The following APLF variants were observed in gnomAD, a reference collection of about 807,000 sequenced individuals.
APLF encodes aprataxin and PNKP like factor.
In APLF, 61 loss-of-function variants were observed where a neutral mutation model predicts 55.6. The observed-to-expected ratio is 1.10, with a 90% CI of 0.89 to 1.36. The LOEUF (loss-of-function observed/expected upper bound fraction) is 1.36. APLF is among the 40% of genes most tolerant of loss of function. The pLI is 0.00. For synonymous variants in APLF, 207 were observed against 214.8 expected, an observed-to-expected ratio of 0.96 and a Z score of 0.32; for missense variants, 611 against 602.5, an observed-to-expected ratio of 1.01 and a Z score of -0.15.
chr2:68,497,769 T>C (rs1223489129), intron 2 of APLF, among the ~76,000 whole-genome samples: 1 of 152,090 alleles, frequency 6.6e-6, no homozygotes, highest in African/African-American at 2.4e-5. Context: ...ACTTCCAGCA[T>C]TGTGGATTGC....
intron 3 of APLF, among the ~76,000 whole-genome samples, chr2:68,505,674 T>C (rs1175330552): frequency 6.6e-6 from 1 of 151,988 alleles, no homozygotes; most frequent in Non-Finnish European, 1.5e-5. Context: ...GATGAGAAGA[T>C]ACATAGGGTG....
rs1457975307 is a variant in APLF, at chr2:68,578,698, A to T, written c.*676A>T. ...TTTGAATTTAAAAGTAAAAAAACTC[A>T]AAAAACTTGACCTTTTTTTTCAAAC... On this transcript the variant is annotated 3_prime_UTR_variant, in exon 10 of 10. Coordinates refer to ENST00000303795, the MANE Select transcript of APLF (RefSeq NM_173545.3). The T allele has an allele frequency of 3.0e-6, 3 of 985,248 alleles. No homozygotes were observed. The highest frequency in any genetic ancestry group is 3.6e-6 in the Non-Finnish European group (3 of 829,880). The allele number at this position is 985,248 out of a possible 1,614,324, so 61.0% of individuals were successfully genotyped here.
intron 9 of APLF, among the ~76,000 whole-genome samples, chr2:68,570,287 A>AAT (rs60637376): frequency 4.1e-5 from 6 of 146,664 alleles, no homozygotes; most frequent in African/African-American, 7.8e-5. Flanking sequence ...TTTTTTTTTT[A>AAT]ATATATATAT....
At chr2:68,516,214 CT>C (rs1400740224) in intron 5 of APLF, among the ~76,000 whole-genome samples, 8 of 151,642 alleles carry the variant, frequency 5.3e-5, no homozygotes, top group Non-Finnish European at 8.9e-5. Context: ...CTCTGACTAA[CT>C]TTAAAGCCCA....
At chr2:68,489,185 T>C (rs1038862162) in intron 1 of APLF, among the ~76,000 whole-genome samples, 2 of 152,230 alleles carry the variant, frequency 1.3e-5, no homozygotes, top group South Asian at 4.1e-4. Flanking sequence ...AACAGCTATC[T>C]GGTTAAAAAA....
intron 2 of APLF, among the ~76,000 whole-genome samples, chr2:68,502,168 A>G (rs886218286): frequency 1.3e-5 from 2 of 152,178 alleles, no homozygotes; most frequent in Non-Finnish European, 2.9e-5. Flanking sequence ...CTTATGACCT[A>G]CATGTTAAAG....
chr2:68,563,157 C>G, intron 8 of APLF: 1 of 985,218 alleles, frequency 1.0e-6, no homozygotes, highest in Non-Finnish European at 1.2e-6. Flanking sequence ...GTCTGCATTA[C>G]AGTATTTTAC....
At chr2:68,548,508 C>T (rs144149116) in intron 8 of APLF, among the ~76,000 whole-genome samples, 1 of 151,902 alleles carries the variant, frequency 6.6e-6, no homozygotes, top group African/African-American at 2.4e-5. Context: ...ACATTAGACA[C>T]ACATGCACAC....
intron 1 of APLF, among the ~76,000 whole-genome samples, chr2:68,487,086 T>C (rs745959158): frequency 8.5e-5 from 13 of 152,132 alleles, no homozygotes; most frequent in South Asian, 4.1e-4. Flanking sequence ...ACTTTATGAA[T>C]AGAGAATTAA....
At chr2:68,522,357 A>G (rs1262528982) in intron 5 of APLF, among the ~76,000 whole-genome samples, 1 of 151,898 alleles carries the variant, frequency 6.6e-6, no homozygotes, top group African/African-American at 2.4e-5. Context: ...CTAATGTAAT[A>G]TACTATGCTT....
At chr2:68,542,375 A>G (rs892496994) in intron 7 of APLF, among the ~76,000 whole-genome samples, 1 of 152,198 alleles carries the variant, frequency 6.6e-6, no homozygotes, top group African/African-American at 2.4e-5. Flanking sequence ...CAACCTATGG[A>G]ATGGGATAAA....
At chr2:68,474,827 A>G (rs982609381) in intron 1 of APLF, among the ~76,000 whole-genome samples, 5 of 152,022 alleles carry the variant, frequency 3.3e-5, no homozygotes, top group African/African-American at 1.2e-4. Context: ...TGCCACCACA[A>G]CCGGCTGATT....
At chr2:68,493,837 G>A (rs1040712044) in intron 2 of APLF, among the ~76,000 whole-genome samples, 8 of 152,098 alleles carry the variant, frequency 5.3e-5, no homozygotes, top group Admixed American at 1.3e-4. Context: ...GGCCAGGCGC[G>A]GTGGCTCACG....
intron 5 of APLF, among the ~76,000 whole-genome samples, chr2:68,517,155 TATATA>T (rs1044625152): frequency 1.1e-4 from 14 of 125,036 alleles, no homozygotes; most frequent in South Asian, 9.3e-4. Context: ...ATGTTATTGA[TATATA>T]ATATATCAAT....
At chr2:68,504,102 A>G (rs1161993943) in intron 3 of APLF, among the ~76,000 whole-genome samples, 1 of 152,008 alleles carries the variant, frequency 6.6e-6, no homozygotes, top group Non-Finnish European at 1.5e-5. Flanking sequence ...GAATGGGTAC[A>G]TTTCTTAAAA....
chr2:68,559,168 A>G (rs1295048600), intron 8 of APLF, among the ~76,000 whole-genome samples: 1 of 152,160 alleles, frequency 6.6e-6, no homozygotes, highest in Non-Finnish European at 1.5e-5. Flanking sequence ...AACATGAAAA[A>G]TACAGAGGTG....
At chr2:68,560,905 T>TA in intron 8 of APLF, among the ~76,000 whole-genome samples, 1 of 152,264 alleles carries the variant, frequency 6.6e-6, no homozygotes, top group South Asian at 2.1e-4. Context: ...AGCTTTGACT[T>TA]AGAGTTACAT....
At chr2:68,530,969 A>T (rs1414737597) in intron 6 of APLF, among the ~76,000 whole-genome samples, 2 of 152,228 alleles carry the variant, frequency 1.3e-5, no homozygotes, top group Non-Finnish European at 2.9e-5. Context: ...GACTTCTCTT[A>T]TTCCATTGGT....
chr2:68,575,023 A>C (rs1461854281), intron 9 of APLF, among the ~76,000 whole-genome samples: 1 of 152,218 alleles, frequency 6.6e-6, no homozygotes, highest in East Asian at 1.9e-4. Flanking sequence ...CTGCTCTTGC[A>C]GAATTGTACA....
Sources: allele counts gnomAD v4.1 joint callset (sites outside exome capture counted in the v4.1 genomes callset), GRCh38; gene constraint gnomAD v4.1.1; transcripts MANE v1.5; gene names NCBI Gene and HGNC (gene_info 2026-07-23, HGNC 2026-07-21).